KCP: variants seen among roughly 807,000 people sequenced by gnomAD.
KCP encodes the protein kielin cysteine rich BMP regulator.
Under a neutral mutation model 212.7 loss-of-function variants are expected in KCP, and 194 were observed. That is an observed-to-expected ratio of 0.91 (90% confidence interval 0.81 to 1.03). KCP has a LOEUF of 1.03. KCP is among the 50% of genes least tolerant of loss of function. The pLI, the probability that KCP is intolerant of heterozygous loss-of-function variation, is 0.00. For missense variants in KCP, 2,080 were observed against 2,162.5 expected, an observed-to-expected ratio of 0.96 and a Z score of 0.76; for synonymous variants, 833 against 865.3, an observed-to-expected ratio of 0.96 and a Z score of 0.65.
rs1179256097 is a variant in KCP at position 128,892,616 on chromosome 7, G to A, written c.1528-9C>T. The stretch of plus-strand genomic sequence containing the variant: ...CATGTCACAGTTCCATCCTGCGAGA[G>A]AGCAGGGGAGAGAGCAATCGGGGCA... On this transcript the variant is annotated splice_polypyrimidine_tract_variant and intron_variant, in intron 15 of 39. Coordinates refer to ENST00000610776, the MANE Select transcript of KCP (RefSeq NM_001366122.1). The A allele has an allele frequency of 1.9e-6, 3 of 1,550,840 alleles. No homozygotes were observed. The Admixed American group carries it at 5.9e-5, about 30-fold the overall frequency.
Position 128,893,972 on chromosome 7 carries a change from TCA to T in KCP, c.1005+2_1005+3del. On this transcript the variant is annotated splice_donor_variant and splice_donor_region_variant and intron_variant, in intron 10 of 39. Transcript: ENST00000610776. LOFTEE classifies it high-confidence loss of function. ...GGCCCTCCCTGCCAGGCAGCCACAC[TCA>T]CAGCACAGCGGCAGTGCGAGCAGGG... 1 of 1,549,668 alleles carries T rather than the reference TCA, an allele frequency of 6.5e-7. No individual in the cohort carries two copies. The highest frequency in any genetic ancestry group is 1.2e-5 in the South Asian group (1 of 83,998).
At chr7:128,888,140 AGGGC>A (rs1793819055) in intron 22 of KCP, among the ~76,000 whole-genome samples, 1 of 137,600 alleles carries the variant, frequency 7.3e-6, no homozygotes, top group South Asian at 2.3e-4. Context: ...ACACACACAC[AGGGC>A]CACACACACA....
At chr7:128,883,232 C>T (rs1446784710) in intron 29 of KCP, among the ~76,000 whole-genome samples, 4 of 151,638 alleles carry the variant, frequency 2.6e-5, no homozygotes, top group East Asian at 1.9e-4. Context: ...CTCTGCCTCC[C>T]GGGTTCAAGC....
In KCP at chr7:128,908,425, C is replaced by A. The variant is rs951448738; in HGVS notation, c.219+1G>T. 3 of 1,551,140 alleles carry A rather than the reference C, an allele frequency of 1.9e-6. No homozygotes were observed. In the East Asian group the frequency reaches 7.3e-5, roughly 38 times the overall value. On this transcript the variant is annotated splice_donor_variant, in intron 2 of 39. Transcript: ENST00000610776. LOFTEE classifies it high-confidence loss of function. ...GCAAACCAGCACTGTCTCCATGGTA[C>A]CTGTTCTCTGAGCTCCATCACTGCA...
chr7:128,902,632 C>T (rs1794915958), intron 8 of KCP, 145 bp downstream of exon 8: 2 of 746,450 alleles, frequency 2.7e-6, no homozygotes, highest in Non-Finnish European at 4.5e-6. Flanking sequence ...CCCCCGCCTG[C>T]ACAGCCCCCA....
intron 8 of KCP, among the ~76,000 whole-genome samples, chr7:128,898,298 T>C (rs545335646): frequency 2.6e-5 from 4 of 152,308 alleles, no homozygotes; most frequent in African/African-American, 9.6e-5. Context: ...TCAAGTGATC[T>C]GCCCACCTTG....
chr7:128,904,034 CAG>C lies in KCP; in HGVS notation c.654+20_654+21del, dbSNP rs1794997218. Reference sequence around the variant, plus strand: ...TGTCCAGGGAGGTGCAGGGCCTGGGCAGAGGGGACAGGTGGACTCACCAGGCA... The same window carrying C: ...TGTCCAGGGAGGTGCAGGGCCTGGGCAGGGGACAGGTGGACTCACCAGGCA... On this transcript the variant is annotated intron_variant, in intron 6 of 39. Coordinates refer to ENST00000610776, the MANE Select transcript of KCP (RefSeq NM_001366122.1). The C allele has an allele frequency of 6.5e-7, 1 of 1,547,454 alleles. No individual in the cohort carries two copies. Among genetic ancestry groups the C allele is most frequent in the Non-Finnish European group, 8.7e-7 (1 of 1,143,426 alleles).
chr7:128,884,054 G>C lies in KCP; in HGVS notation c.3192C>G (p.Pro1064=). 6.5e-7 allele frequency: 1 copy of C among 1,546,222 alleles called. No individual in the cohort carries two copies. Among genetic ancestry groups the C allele is most frequent in the East Asian group, 2.5e-5 (1 of 40,678 alleles). Residue 1064 remains proline, a synonymous_variant, in exon 29 of 40, where the codon CCC becomes CCG. Transcript: ENST00000610776. ...GCCCAGGGGGCAGGAGCTGGCTGGG[G>C]GGGCAGCCCACCAGGCTGGGACACT... ...RRQCPSLVGC[P]PSQLLPPGPQ... is the part of the protein sequence containing the mutation.
At chr7:128,903,927 G>T in intron 6 of KCP, 107 bp from the exon 7 acceptor site, 1 of 1,363,992 alleles carries the variant, frequency 7.3e-7, no homozygotes, top group Non-Finnish European at 1.0e-6. Context: ...CAGGGATGGA[G>T]GGAGAACCTA....
intron 8 of KCP, among the ~76,000 whole-genome samples, chr7:128,899,031 A>C (rs1354999075): frequency 2.0e-5 from 3 of 152,216 alleles, no homozygotes; most frequent in Non-Finnish European, 4.4e-5. Context: ...TGACATCAAT[A>C]ATGCACCCGT....
Position 128,880,621 on chromosome 7 carries a change from T to C in KCP, c.3614A>G (p.Gln1205Arg). ...PQADSCCERC[Q>R]APTQSCVHQG... The stretch of plus-strand genomic sequence containing the variant: ...CCCCCATCACCCTGGCTGCGCACCT[T>C]GGCATCGCTCACAGCAGCTGTCAGC... The change falls in exon 33 of 40, where the codon CAA (glutamine) becomes CGA (arginine). Residue 1205 changes from glutamine to arginine, a missense_variant and splice_region_variant. Coordinates refer to ENST00000610776, the MANE Select transcript of KCP (RefSeq NM_001366122.1). 1.7e-6 allele frequency: 2 copies of C among 1,179,294 alleles called. No individual in the cohort carries two copies. The highest frequency in any genetic ancestry group is 3.6e-5 in the Admixed American group (1 of 28,020). 73.1% of individuals were successfully genotyped at this position (1,179,294 alleles called of 1,614,324 possible).
At chr7:128,881,153 C>A in intron 31 of KCP, 68 bp from the exon 32 acceptor site, 1 of 399,036 alleles carries the variant, frequency 2.5e-6, no homozygotes, top group Non-Finnish European at 4.4e-6. Flanking sequence ...TTGGAGCTTA[C>A]CCAGCATTTC....
In KCP at chr7:128,892,961, G is replaced by A. The variant is rs1326917288; in HGVS notation, c.1328C>T (p.Pro443Leu). The change falls in exon 14 of 40, where the codon CCC (proline) becomes CTC (leucine). Residue 443 changes from proline (P) to leucine (L), a missense_variant. By Grantham distance (98) the Pro-to-Leu change is moderately conservative. Transcript: ENST00000610776. ...ATCTTGACAGACGCAGGCGGTGCAG[G>A]GCCGACCATCAGGCTCCCACTGGAC... is the stretch of plus-strand genomic sequence containing the variant. ...EGVQWEPDGR[P>L]CTACVCQDGV... 7 of 1,299,248 alleles carry A rather than the reference G, an allele frequency of 5.4e-6. No homozygotes were observed. Among genetic ancestry groups the A allele is most frequent in the Non-Finnish European group, 7.6e-6 (7 of 916,584 alleles). The allele number at this position is 1,299,248 out of a possible 1,614,324, so 80.5% of individuals were successfully genotyped here. A position where few individuals can be genotyped will look rare whatever the true frequency, so the allele number is the denominator to read the frequency against.
intron 7 of KCP, chr7:128,903,164 C>T (rs989927796): frequency 1.8e-5 from 8 of 449,556 alleles, no homozygotes; most frequent in Non-Finnish European, 3.2e-5. Flanking sequence ...GCACACTCAC[C>T]CTCCGTGTCA....
intron 32 of KCP, 69 bp from the exon 33 acceptor site, chr7:128,880,790 G>A (rs1240129960): frequency 2.5e-6 from 1 of 403,832 alleles, no homozygotes; most frequent in Non-Finnish European, 4.4e-6. Context: ...GCTTCTGGGG[G>A]CCTCTGGGCA....
chr7:128,893,520 G>T, intron 11 of KCP, 44 bp from the exon 12 acceptor site: 1 of 1,406,964 alleles, frequency 7.1e-7, no homozygotes, highest in Non-Finnish European at 9.8e-7. Context: ...GCTGGAGGCA[G>T]AGGGGAAGCT....
Position 128,881,985 on chromosome 7 carries a change from C to T in KCP, c.3276G>A (p.Leu1092=). ...GGTCTGGTGGGGCTAGCTCAGATCCCAGCAGGCCCTCTGAACAGTTACTCA... is the reference window on the plus strand; with the variant it reads ...GGTCTGGTGGGGCTAGCTCAGATCCTAGCAGGCCCTCTGAACAGTTACTCA... ...EALSNCSEGL[L]GSELAPPDPC... is the part of the protein sequence containing the mutation. The change falls in exon 30 of 40, where the codon CTG becomes CTA. Residue 1092 remains leucine, a synonymous_variant. Transcript: ENST00000610776. The T allele has an allele frequency of 1.3e-6, 2 of 1,551,274 alleles. No homozygotes were observed. The highest frequency in any genetic ancestry group is 1.7e-6 in the Non-Finnish European group (2 of 1,146,956).
At chr7:128,884,723 A>G in intron 28 of KCP, 58 bp downstream of exon 28, 2 of 1,485,772 alleles carry the variant, frequency 1.3e-6, no homozygotes, top group Non-Finnish European at 1.8e-6. Flanking sequence ...GCCTCATCCC[A>G]TGCTGCCCAC....
chr7:128,884,581 G>C (rs1215310804), intron 28 of KCP, among the ~76,000 whole-genome samples, 200 bp downstream of exon 28: 1 of 152,160 alleles, frequency 6.6e-6, no homozygotes, highest in East Asian at 1.9e-4. Flanking sequence ...TGCACACTTG[G>C]AACCTGCGCT....
Sources: allele counts gnomAD v4.1 joint callset (sites outside exome capture counted in the v4.1 genomes callset), GRCh38; gene constraint gnomAD v4.1.1; transcripts MANE v1.5; gene names NCBI Gene and HGNC (gene_info 2026-07-23, HGNC 2026-07-21).